SPRED2: variants seen among roughly 807,000 people sequenced by gnomAD.
SPRED2 encodes the protein sprouty-related, EVH1 domain-containing protein 2.
A neutral mutation model predicts 43.0 loss-of-function variants in SPRED2; 47 were observed. That is an observed-to-expected ratio of 1.09 (90% CI 0.87 to 1.40). SPRED2 has a LOEUF of 1.40. Ranked by LOEUF, SPRED2 falls within the 40% of genes most tolerant of loss-of-function variation. SPRED2 has a pLI of 0.00. For synonymous variants in SPRED2, 225 were observed against 225.7 expected (o/e 1.00, Z 0.03); for missense variants, 561 against 586.4 (o/e 0.96, Z 0.45).
At position 65,313,860 on chromosome 2, in the gene SPRED2, G is replaced by A. The variant is rs1299658940; in HGVS notation, c.898C>T (p.Arg300Trp). 5.6e-6 allele frequency: 9 copies of A among 1,610,784 alleles called. No homozygotes were observed. The highest frequency in any genetic ancestry group is 1.1e-5 in the South Asian group (1 of 91,048). Residue 300 changes from arginine to tryptophan, a missense_variant, in exon 6 of 6, where the codon CGG becomes TGG. Physicochemically the swap from Arg to Trp is moderately radical, Grantham distance 101. Transcript: ENST00000356388. ...TQPSRGKSRR[R>W]KEDGERSRCV... ...CGCGAGCGCTCTCCGTCCTCCTTCC[G>A]CCGCCGCGACTTGCCCCGGGAGGGC...
chr2:65,430,054 C>G (rs2103823681), intron 1 of SPRED2, among the ~76,000 whole-genome samples: 1 of 152,330 alleles, frequency 6.6e-6, no homozygotes, highest in African/African-American at 2.4e-5. Flanking sequence ...CTCCAAGAAT[C>G]TGCAAGGCCA....
In SPRED2 at chr2:65,312,003, C is replaced by T. The variant is rs911938465; in HGVS notation, c.*1498G>A. On this transcript the variant is annotated 3_prime_UTR_variant, in exon 6 of 6. Coordinates refer to ENST00000356388, the MANE Select transcript of SPRED2 (RefSeq NM_181784.3). ...GAAAGATCGTGGCGGGAAGAACAGC[C>T]GGCGTCCGCAAGCCTGTCCCCGGTG... 93 of 985,028 alleles carry T rather than the reference C, an allele frequency of 9.4e-5. No individual in the cohort carries two copies. Among genetic ancestry groups the T allele is most frequent in the African/African-American group, 1.2e-4 (7 of 57,188 alleles). 61.0% of individuals were successfully genotyped at this position (985,028 alleles called of 1,614,324 possible).
chr2:65,429,655 C>A (rs1228202978), intron 1 of SPRED2, among the ~76,000 whole-genome samples: 12 of 152,328 alleles, frequency 7.9e-5, no homozygotes, highest in Admixed American at 5.9e-4. Flanking sequence ...ACAGTGGCTA[C>A]CATGGCAGTT....
intron 1 of SPRED2, among the ~76,000 whole-genome samples, chr2:65,420,654 C>T (rs1676401489): frequency 6.6e-6 from 1 of 152,172 alleles, no homozygotes; most frequent in African/African-American, 2.4e-5. Flanking sequence ...AGGGAGAACT[C>T]CAGACACCTA....
At chr2:65,333,225 C>T (rs1294831468) in intron 3 of SPRED2, among the ~76,000 whole-genome samples, 5 of 146,486 alleles carry the variant, frequency 3.4e-5, no homozygotes. Context: ...GAGATGGCAC[C>T]ACTGCACTCC....
intron 1 of SPRED2, among the ~76,000 whole-genome samples, chr2:65,359,947 C>T (rs1306679612): frequency 6.6e-6 from 1 of 151,788 alleles, no homozygotes; most frequent in African/African-American, 2.4e-5. Flanking sequence ...TGCCTGTAGT[C>T]CCAGCTACTC....
chr2:65,414,890 G>T (rs925823141), intron 1 of SPRED2, among the ~76,000 whole-genome samples: 1 of 152,144 alleles, frequency 6.6e-6, no homozygotes, highest in Non-Finnish European at 1.5e-5. Context: ...CCAGATAGTT[G>T]TGTCCAGGAT....
chr2:65,320,659 G>C (rs1673384596), intron 4 of SPRED2, among the ~76,000 whole-genome samples: 1 of 152,222 alleles, frequency 6.6e-6, no homozygotes, highest in South Asian at 2.1e-4. Context: ...AGGCCCAGCT[G>C]TTCAGGGTTG....
intron 1 of SPRED2, among the ~76,000 whole-genome samples, chr2:65,370,917 CAT>C (rs1322280947): frequency 3.9e-5 from 6 of 152,176 alleles, no homozygotes; most frequent in East Asian, 3.8e-4. Context: ...AGAAACCACA[CAT>C]GTCCCCAGAG....
intron 4 of SPRED2, among the ~76,000 whole-genome samples, chr2:65,326,294 T>C (rs1236831880): frequency 1.3e-5 from 2 of 152,168 alleles, no homozygotes; most frequent in Non-Finnish European, 2.9e-5. Flanking sequence ...TGGCTCAGAC[T>C]GGATGAGTTG....
At position 65,313,894 on chromosome 2, in the gene SPRED2, G is replaced by A. The variant is rs1246435116; in HGVS notation, c.864C>T (p.Ile288=). 4 of 1,610,202 alleles carry A rather than the reference G, an allele frequency of 2.5e-6. No homozygotes were observed. Among genetic ancestry groups the A allele is most frequent in the Non-Finnish European group, 3.4e-6 (4 of 1,179,892 alleles). Residue 288 remains isoleucine, a synonymous_variant, in exon 6 of 6, where the codon ATC becomes ATT. Transcript: ENST00000356388. ...EDPKGRGGSV[I]KTQPSRGKSR... is the part of the protein sequence containing the mutation. ...ACTTGCCCCGGGAGGGCTGCGTCTT[G>A]ATCACGCTGCCCCCGCGGCCTTTGG...
At position 65,311,671 on chromosome 2, in the gene SPRED2, G is replaced by A. The variant is rs1389179878; in HGVS notation, c.*1830C>T. On this transcript the variant is annotated 3_prime_UTR_variant, in exon 6 of 6. Transcript: ENST00000356388. ...CTCTTTTCTTCCATCAATCCAGATG[G>A]ACAGCTCTCTGCTCCTTTTCCAAAC... 7.1e-6 allele frequency: 7 copies of A among 985,508 alleles called. No individual in the cohort carries two copies. The highest frequency in any genetic ancestry group is 8.4e-6 in the Non-Finnish European group (7 of 829,950). 61.0% of individuals were successfully genotyped at this position (985,508 alleles called of 1,614,324 possible).
At chr2:65,395,230 A>G (rs1181156983) in intron 1 of SPRED2, among the ~76,000 whole-genome samples, 2 of 151,994 alleles carry the variant, frequency 1.3e-5, no homozygotes, top group East Asian at 1.9e-4. Context: ...TCCCTTACCA[A>G]CGTTAACCCT....
chr2:65,411,236 G>C (rs369529626), intron 1 of SPRED2, among the ~76,000 whole-genome samples: 1 of 152,158 alleles, frequency 6.6e-6, no homozygotes, highest in African/African-American at 2.4e-5. Flanking sequence ...TGTACTTTCT[G>C]GACCCAGGCA....
chr2:65,340,486 A>G (rs1026080001), intron 2 of SPRED2, among the ~76,000 whole-genome samples: 2 of 152,248 alleles, frequency 1.3e-5, no homozygotes, highest in African/African-American at 2.4e-5. Context: ...GGAATGATCA[A>G]ACTCTTAGAT....
At chr2:65,353,967 A>G (rs1674578273) in intron 1 of SPRED2, among the ~76,000 whole-genome samples, 1 of 152,174 alleles carries the variant, frequency 6.6e-6, no homozygotes, top group Non-Finnish European at 1.5e-5. Context: ...GCAGTGTGCC[A>G]TGCACCAGTC....
chr2:65,425,821 A>C (rs2103811422), intron 1 of SPRED2, among the ~76,000 whole-genome samples: 1 of 152,376 alleles, frequency 6.6e-6, no homozygotes, highest in African/African-American at 2.4e-5. Context: ...TATTGAGATG[A>C]CGGGGTCTTT....
intron 1 of SPRED2, among the ~76,000 whole-genome samples, chr2:65,392,133 G>A (rs36088876): frequency 0.11 from 16,191 of 148,588 alleles, 1,301 homozygotes; most frequent in Non-Finnish European, 0.16. Context: ...CTTATGTTTC[G>A]AAATTTATCA....
At position 65,314,054 on chromosome 2, in the gene SPRED2, G is replaced by A; in HGVS notation, c.704C>T (p.Pro235Leu). The A allele has an allele frequency of 1.9e-6, 3 of 1,614,124 alleles. No individual in the cohort carries two copies. The highest frequency in any genetic ancestry group is 2.5e-6 in the Non-Finnish European group (3 of 1,179,988). Residue 235 changes from proline to leucine, a missense_variant, in exon 6 of 6, where the codon CCC becomes CTC. Around this residue, in one of 6 missense-constraint regions of SPRED2, gnomAD observed 164 missense variants for 164.1 expected, o/e 1.00. Coordinates refer to ENST00000356388, the MANE Select transcript of SPRED2 (RefSeq NM_181784.3). ...MTGYEDYRHAPVRGKYPDPSE... is the reference protein window; with the variant it reads ...MTGYEDYRHALVRGKYPDPSE... ...GGGGTCCGGGTACTTGCCCCTGACG[G>A]GTGCGTGCCGGTAATCCTCGTACCC...
Sources: gnomAD v4.1 joint callset for allele counts (sites outside exome capture counted in the v4.1 genomes callset) on GRCh38, gnomAD v4.1.1 for gene constraint, gnomAD v4.1.1 regional missense constraint, MANE v1.5 for transcripts, NCBI Gene and HGNC (gene_info 2026-07-23, HGNC 2026-07-21) for gene names.